The following MACROD2 variants were observed in gnomAD, a reference collection of about 807,000 sequenced individuals.
MACROD2 encodes the protein ADP-ribose glycohydrolase MACROD2.
Under a neutral mutation model 70.4 loss-of-function variants are expected in MACROD2, and 36 were observed. That is an observed-to-expected ratio of 0.51 (90% CI 0.39 to 0.68). The LOEUF (loss-of-function observed/expected upper bound fraction) is 0.68. Ranked by LOEUF, MACROD2 falls within the 30% of genes least tolerant of loss-of-function variation. The probability of loss-of-function intolerance (pLI) is 0.00; values close to 1 mark genes in which losing one functional copy is unlikely to be tolerated. For synonymous variants in MACROD2, 172 were observed against 178.8 expected, an observed-to-expected ratio of 0.96 and a Z score of 0.30; for missense variants, 496 against 538.4, an observed-to-expected ratio of 0.92 and a Z score of 0.78.
At chr20:14,744,959 C>T (rs1433127886) in intron 5 of MACROD2, among the ~76,000 whole-genome samples, 1 of 152,118 alleles carries the variant, frequency 6.6e-6, no homozygotes, top group Non-Finnish European at 1.5e-5. Context: ...ATGTGTTTCT[C>T]AGCAATAGAT....
rs576194351 is a variant in MACROD2, at chr20:15,105,201, T to TC, written c.419-124738dup. Among the ~76,000 whole-genome samples, 498 of 152,292 alleles carry TC rather than the reference T, an allele frequency of 3.3e-3. 1 individual carries two copies. Among genetic ancestry groups the TC allele is most frequent in the Non-Finnish European group, 5.0e-3 (337 of 68,016 alleles). On this transcript the variant is annotated intron_variant, in intron 5 of 17. Coordinates refer to ENST00000684519, the MANE Select transcript of MACROD2 (RefSeq NM_001351661.2). ...GCAGGGACTCAAATGATGTTTTTTT[T>TC]CTCTCCAACTCAGCTTCTCTTCCTT...
chr20:14,961,694 G>A (rs2423875), intron 5 of MACROD2, among the ~76,000 whole-genome samples: 2,201 of 152,178 alleles, frequency 0.014, 38 homozygotes, highest in Admixed American at 0.037. Flanking sequence ...AAGGATTACA[G>A]GTGTGAGTCA....
chr20:14,983,523 G>A (rs1005962713), intron 5 of MACROD2, among the ~76,000 whole-genome samples: 2 of 151,402 alleles, frequency 1.3e-5, no homozygotes, highest in Non-Finnish European at 2.9e-5. Flanking sequence ...TCTTTCCTAT[G>A]CTGTTCTCGT....
chr20:15,776,555 C>G (rs949245189), intron 8 of MACROD2, among the ~76,000 whole-genome samples: 2 of 152,160 alleles, frequency 1.3e-5, no homozygotes, highest in African/African-American at 4.8e-5. Flanking sequence ...AAAATGTCAA[C>G]TTGGCAGTTG....
intron 8 of MACROD2, among the ~76,000 whole-genome samples, chr20:15,762,007 T>G (rs2051443686): frequency 6.6e-6 from 1 of 152,174 alleles, no homozygotes; most frequent in Admixed American, 6.5e-5. Context: ...TTTGTTTTCT[T>G]TGGGTAATTT....
intron 3 of MACROD2, among the ~76,000 whole-genome samples, chr20:14,270,785 G>A (rs935844153): frequency 6.6e-6 from 1 of 152,058 alleles, no homozygotes; most frequent in African/African-American, 2.4e-5. Flanking sequence ...GCAGAAGACG[G>A]GTGATTTCTG....
At chr20:14,876,216 A>G (rs2073548924) in intron 5 of MACROD2, among the ~76,000 whole-genome samples, 1 of 149,836 alleles carries the variant, frequency 6.7e-6, no homozygotes, top group South Asian at 2.2e-4. Flanking sequence ...GCATTTCTGT[A>G]ATAATTAGTG....
intron 6 of MACROD2, among the ~76,000 whole-genome samples, chr20:15,303,412 T>A (rs915865578): frequency 4.6e-5 from 7 of 152,138 alleles, no homozygotes; most frequent in Non-Finnish European, 1.0e-4. Flanking sequence ...CTCCAAGACC[T>A]ATGGGCTTGA....
At chr20:14,702,519 G>A (rs1446964214) in intron 5 of MACROD2, among the ~76,000 whole-genome samples, 4 of 146,844 alleles carry the variant, frequency 2.7e-5, no homozygotes, top group Non-Finnish European at 6.0e-5. Context: ...CTGTTTCTTG[G>A]CTTTTTCACT....
At chr20:15,755,906 T>C (rs1360645694) in intron 8 of MACROD2, among the ~76,000 whole-genome samples, 1 of 152,202 alleles carries the variant, frequency 6.6e-6, no homozygotes, top group Non-Finnish European at 1.5e-5. Flanking sequence ...TCTTCCTGTA[T>C]TAGGTACCAG....
intron 5 of MACROD2, among the ~76,000 whole-genome samples, chr20:15,084,298 C>T (rs11696579): frequency 0.21 from 31,384 of 151,748 alleles, 3,639 homozygotes; most frequent in East Asian, 0.34. Context: ...GAAGTCCTGA[C>T]CTCATGTGAT....
intron 5 of MACROD2, among the ~76,000 whole-genome samples, chr20:14,715,838 A>G (rs947753387): frequency 6.6e-6 from 1 of 152,234 alleles, no homozygotes; most frequent in Non-Finnish European, 1.5e-5. Context: ...ATACAAAGAC[A>G]ATACAGCTCC....
intron 8 of MACROD2, among the ~76,000 whole-genome samples, chr20:15,538,065 G>GT (rs1318839317): frequency 6.6e-6 from 1 of 152,138 alleles, no homozygotes; most frequent in East Asian, 1.9e-4. Context: ...AATAACCCTT[G>GT]TAAGTTTGGA....
chr20:15,223,943 T>C (rs2076882938), intron 5 of MACROD2, among the ~76,000 whole-genome samples: 1 of 152,198 alleles, frequency 6.6e-6, no homozygotes, highest in Non-Finnish European at 1.5e-5. Flanking sequence ...CACCTGCTGG[T>C]ACACTTGCTC....
At chr20:14,923,307 T>C (rs971536194) in intron 5 of MACROD2, among the ~76,000 whole-genome samples, 3 of 152,180 alleles carry the variant, frequency 2.0e-5, no homozygotes, top group African/African-American at 7.2e-5. Flanking sequence ...TACTGATCAA[T>C]TACAAATTTG....
intron 3 of MACROD2, among the ~76,000 whole-genome samples, chr20:14,275,632 G>A (rs1422904123): frequency 6.6e-6 from 1 of 150,818 alleles, no homozygotes; most frequent in African/African-American, 2.4e-5. Flanking sequence ...TTGACAAATG[G>A]GATCTAATTA....
intron 3 of MACROD2, among the ~76,000 whole-genome samples, chr20:14,421,074 A>G (rs1161525932): frequency 6.6e-6 from 1 of 152,200 alleles, no homozygotes; most frequent in Non-Finnish European, 1.5e-5. Flanking sequence ...ACGCTTGGTA[A>G]TGGTGTATAA....
intron 10 of MACROD2, among the ~76,000 whole-genome samples, chr20:15,920,449 T>C (rs572593165): frequency 6.6e-6 from 1 of 152,332 alleles, no homozygotes; most frequent in African/African-American, 2.4e-5. Context: ...TATATGCACA[T>C]TTTACTTAAG....
At chr20:15,859,208 G>A (rs1232778975) in intron 8 of MACROD2, among the ~76,000 whole-genome samples, 1 of 152,088 alleles carries the variant, frequency 6.6e-6, no homozygotes, top group African/African-American at 2.4e-5. Context: ...ACATTGAGTG[G>A]GCTGAGGAGG....
Sources: gnomAD v4.1 joint callset for allele counts (sites outside exome capture counted in the v4.1 genomes callset) on GRCh38, gnomAD v4.1.1 for gene constraint, MANE v1.5 for transcripts, NCBI Gene and HGNC (gene_info 2026-07-23, HGNC 2026-07-21) for gene names.